PRKCE: variants seen among roughly 807,000 people sequenced by gnomAD.
PRKCE encodes protein kinase C epsilon, also known as protein kinase C epsilon type.
A neutral mutation model predicts 85.4 loss-of-function variants in PRKCE; 16 were observed. The observed-to-expected ratio is 0.19, with a 90% CI of 0.13 to 0.28. The LOEUF is 0.28. PRKCE is among the 10% of genes least tolerant of loss of function. PRKCE has a pLI of 1.00. For synonymous variants in PRKCE, 388 were observed against 371.5 expected (o/e 1.04, Z -0.51); for missense variants, 573 against 975.2 (o/e 0.59, Z 5.49).
rs113080723 is a variant in PRKCE at position 45,862,871 on chromosome 2, G to A, written c.412+19808G>A. ...TGCCCCTAGGCTCAAAGCTTCGCAGGGGCTGCATTCACATTGAAAACTTAG... is the reference window on the plus strand; with the variant it reads ...TGCCCCTAGGCTCAAAGCTTCGCAGAGGCTGCATTCACATTGAAAACTTAG... On this transcript the variant is annotated intron_variant, in intron 2 of 14. Coordinates refer to ENST00000306156, the MANE Select transcript of PRKCE (RefSeq NM_005400.3). Among the ~76,000 whole-genome samples the A allele has an allele frequency of 6.3e-4, 96 of 152,330 alleles. 1 individual carries two copies. Among genetic ancestry groups the A allele is most frequent in the African/African-American group, 2.2e-3 (93 of 41,574 alleles).
chr2:45,991,031 G>T (rs1370471554), intron 6 of PRKCE, among the ~76,000 whole-genome samples: 2 of 147,772 alleles, frequency 1.4e-5, no homozygotes, highest in African/African-American at 2.5e-5. Flanking sequence ...TTTTTTGACA[G>T]AGTCTCACTT....
intron 10 of PRKCE, among the ~76,000 whole-genome samples, chr2:46,029,976 G>A (rs1707403364): frequency 1.3e-5 from 2 of 152,076 alleles, no homozygotes; most frequent in South Asian, 2.1e-4. Flanking sequence ...TCTCTGTGAC[G>A]CAAGGTGAAA....
chr2:46,063,385 C>A (rs1574371702), intron 10 of PRKCE, among the ~76,000 whole-genome samples: 1 of 147,016 alleles, frequency 6.8e-6, no homozygotes, highest in South Asian at 2.1e-4. Flanking sequence ...GCTGTCTTTT[C>A]TTTTAAAAAT....
chr2:45,654,815 C>T (rs1380411975), intron 1 of PRKCE, among the ~76,000 whole-genome samples: 1 of 152,154 alleles, frequency 6.6e-6, no homozygotes, highest in African/African-American at 2.4e-5. Context: ...GGTGGGGACT[C>T]ATTGGCAGGG....
intron 1 of PRKCE, among the ~76,000 whole-genome samples, chr2:45,814,962 T>C (rs955104194): frequency 6.6e-6 from 1 of 152,190 alleles, no homozygotes; most frequent in Non-Finnish European, 1.5e-5. Context: ...GGGTGTTCTC[T>C]AAGTTCCTTT....
intron 10 of PRKCE, among the ~76,000 whole-genome samples, chr2:46,014,044 T>C (rs970266619): frequency 1.3e-4 from 20 of 152,198 alleles, no homozygotes; most frequent in South Asian, 2.1e-4. Flanking sequence ...TTTGGGCTTT[T>C]CTTTACTGAG....
rs561147574 is a variant in PRKCE at position 45,942,446 on chromosome 2, C to G, written c.413-33983C>G. Among the ~76,000 whole-genome samples the G allele has an allele frequency of 2.6e-5, 4 of 152,158 alleles. No individual in the cohort carries two copies. In the East Asian group the frequency reaches 7.7e-4, roughly 29 times the overall value. ...TGAGAGGATATAAAAGAGCAAGTCT[C>G]TTGTAAATGTTATTATAATTAATGT... On this transcript the variant is annotated intron_variant, in intron 2 of 14. Transcript: ENST00000306156.
intron 1 of PRKCE, among the ~76,000 whole-genome samples, chr2:45,773,004 G>A (rs1223034744): frequency 6.6e-6 from 1 of 152,158 alleles, no homozygotes; most frequent in Non-Finnish European, 1.5e-5. Context: ...GAAGTGCACC[G>A]TCCTGCCCTG....
intron 14 of PRKCE, among the ~76,000 whole-genome samples, chr2:46,171,723 A>G (rs1223513828): frequency 6.6e-6 from 1 of 152,192 alleles, no homozygotes; most frequent in Non-Finnish European, 1.5e-5. Context: ...TGTTGAAGGC[A>G]TCAAAGCACT....
At chr2:45,946,737 C>T (rs1229807112) in intron 2 of PRKCE, among the ~76,000 whole-genome samples, 1 of 152,166 alleles carries the variant, frequency 6.6e-6, no homozygotes, top group Admixed American at 6.5e-5. Context: ...AGCTCCCCTG[C>T]CTGCCCCATG....
intron 2 of PRKCE, among the ~76,000 whole-genome samples, chr2:45,902,432 A>G (rs1407929196): frequency 6.6e-6 from 1 of 152,234 alleles, no homozygotes; most frequent in Non-Finnish European, 1.5e-5. Flanking sequence ...GCCCACAGGT[A>G]GCTCCAAGTC....
At chr2:46,165,490 C>T (rs1678249301) in intron 14 of PRKCE, among the ~76,000 whole-genome samples, 2 of 152,230 alleles carry the variant, frequency 1.3e-5, no homozygotes, top group Admixed American at 1.3e-4. Flanking sequence ...AGGCTGGAGC[C>T]AAAGCCTTCG....
chr2:45,759,870 T>A (rs1201010927), intron 1 of PRKCE, among the ~76,000 whole-genome samples: 1 of 152,214 alleles, frequency 6.6e-6, no homozygotes, highest in Non-Finnish European at 1.5e-5. Context: ...CCTCACTGCT[T>A]CTGTTGCAGG....
At chr2:45,883,900 G>T (rs1057322452) in intron 2 of PRKCE, among the ~76,000 whole-genome samples, 1 of 152,154 alleles carries the variant, frequency 6.6e-6, no homozygotes, top group Non-Finnish European at 1.5e-5. Flanking sequence ...AATCCTTGGA[G>T]CTTGCTTCCC....
chr2:45,813,379 C>G (rs1187922825), intron 1 of PRKCE, among the ~76,000 whole-genome samples: 1 of 152,136 alleles, frequency 6.6e-6, no homozygotes, highest in Admixed American at 6.5e-5. Flanking sequence ...GAGGCAGATC[C>G]CTCTTCCTCA....
At position 45,771,955 on chromosome 2, in the gene PRKCE, C is replaced by T. The variant is rs921590259; in HGVS notation, c.349-71045C>T. 3.3e-5 allele frequency among the ~76,000 whole-genome samples: 5 copies of T among 152,136 alleles called. No homozygotes were observed. The East Asian group carries it at 9.6e-4, about 29-fold the overall frequency. ...GCCATGGGGCCCAAACCACAGCCCC[C>T]AACTCTCTGAACACACACTGCCGAC... On this transcript the variant is annotated intron_variant, in intron 1 of 14. Transcript: ENST00000306156.
Position 45,697,468 on chromosome 2 carries a change from C to T in PRKCE, c.348+45020C>T, listed in dbSNP as rs541340867. Among the ~76,000 whole-genome samples the T allele has an allele frequency of 1.1e-4, 17 of 152,234 alleles. No individual in the cohort carries two copies. In the South Asian group the frequency reaches 3.3e-3, roughly 30 times the overall value. On this transcript the variant is annotated intron_variant, in intron 1 of 14. Coordinates refer to ENST00000306156, the MANE Select transcript of PRKCE (RefSeq NM_005400.3). This position sits in a 1 kb window ranked among gnomAD's most constrained non-coding sequence, Gnocchi z 4.2. ...TAAGGACTAACAAACAAAACCAAAC[C>T]AGAGTGGAAATGGCAACCCGAGGCT...
intron 2 of PRKCE, among the ~76,000 whole-genome samples, chr2:45,859,739 C>T (rs953940175): frequency 3.3e-5 from 5 of 152,176 alleles, no homozygotes; most frequent in Non-Finnish European, 7.3e-5. Flanking sequence ...TTATCTGATA[C>T]ATAGATATCC....
chr2:45,944,600 C>T (rs375959069), intron 2 of PRKCE, among the ~76,000 whole-genome samples: 2 of 151,478 alleles, frequency 1.3e-5, no homozygotes, highest in East Asian at 3.9e-4. Flanking sequence ...ATGATACTCC[C>T]GCCTCAGTCT....
Sources: gnomAD v4.1 joint callset for allele counts (sites outside exome capture counted in the v4.1 genomes callset) on GRCh38, gnomAD v4.1.1 for gene constraint, Gnocchi (gnomAD v3.1) non-coding constraint, MANE v1.5 for transcripts, NCBI Gene and HGNC (gene_info 2026-07-23, HGNC 2026-07-21) for gene names.